Variants in ZNF407 observed in about 807,000 individuals in gnomAD.
ZNF407 encodes the protein zinc finger protein 407.
In ZNF407, 17 loss-of-function variants were observed where a neutral mutation model predicts 131.2. That is an observed-to-expected ratio of 0.13 (90% CI 0.09 to 0.19). The LOEUF (loss-of-function observed/expected upper bound fraction) is 0.19, where lower values mean the gene tolerates loss of function less well. Among genes scored for constraint, ZNF407 ranks in the 10% least tolerant of loss-of-function variants. ZNF407 has a pLI of 1.00. For synonymous variants in ZNF407, 1,156 were observed against 1,062.0 expected, an observed-to-expected ratio of 1.09 and a Z score of -1.72; for missense variants, 2,681 against 2,830.6, an observed-to-expected ratio of 0.95 and a Z score of 1.20.
intron 3 of ZNF407, among the ~76,000 whole-genome samples, chr18:74,646,359 T>A (rs1246322928): frequency 6.6e-6 from 1 of 152,220 alleles, no homozygotes; most frequent in Non-Finnish European, 1.5e-5. Context: ...TATTCTATAA[T>A]GTGGCATGAA....
chr18:74,844,002 A>G (rs564013941), intron 4 of ZNF407, among the ~76,000 whole-genome samples: 5 of 152,308 alleles, frequency 3.3e-5, no homozygotes, highest in Admixed American at 6.5e-5. Context: ...AAAAATATAG[A>G]TGAAAGTGTT....
chr18:74,978,439 A>G (rs1972552213), intron 8 of ZNF407, among the ~76,000 whole-genome samples: 1 of 152,170 alleles, frequency 6.6e-6, no homozygotes, highest in South Asian at 2.1e-4. Flanking sequence ...AGATTCAGAA[A>G]GACAAAGATG....
intron 2 of ZNF407, among the ~76,000 whole-genome samples, chr18:74,640,594 T>G (rs1325460151): frequency 6.6e-6 from 1 of 152,168 alleles, no homozygotes; most frequent in East Asian, 1.9e-4. Flanking sequence ...AGAAATGTAT[T>G]TGATGATAAA....
At chr18:74,647,348 G>C (rs2144701420) in intron 3 of ZNF407, among the ~76,000 whole-genome samples, 1 of 152,260 alleles carries the variant, frequency 6.6e-6, no homozygotes, top group African/African-American at 2.4e-5. Flanking sequence ...AGGGGCTGCA[G>C]AGGGAAGCTC....
At chr18:75,012,936 A>G (rs1438451044) in intron 8 of ZNF407, among the ~76,000 whole-genome samples, 1 of 125,740 alleles carries the variant, frequency 8.0e-6, no homozygotes, top group Non-Finnish European at 1.7e-5. Context: ...CTAATGATAG[A>G]AAGGGTCCTT....
chr18:75,034,417 CCTCAGCCTCCCGT>C (rs1973282424), intron 8 of ZNF407, among the ~76,000 whole-genome samples: 1 of 151,014 alleles, frequency 6.6e-6, no homozygotes, highest in Non-Finnish European at 1.5e-5. Flanking sequence ...CATTCTCCTG[CCTCAGCCTCCCGT>C]GTAGCTGGGA....
chr18:74,785,943 G>A (rs1299250496), intron 4 of ZNF407, among the ~76,000 whole-genome samples: 1 of 152,166 alleles, frequency 6.6e-6, no homozygotes, highest in African/African-American at 2.4e-5. Flanking sequence ...CACTCACATG[G>A]CACACATGAT....
chr18:74,627,841 A>ACCCCG (rs1158859005), intron 1 of ZNF407, among the ~76,000 whole-genome samples: 1,515 of 50,374 alleles, frequency 0.03, 21 homozygotes, highest in East Asian at 0.26. Flanking sequence ...GCCCCGCCCC[A>ACCCCG]CCCCGCCCCG....
chr18:74,987,301 A>G (rs1170397604), intron 8 of ZNF407, among the ~76,000 whole-genome samples: 1 of 152,174 alleles, frequency 6.6e-6, no homozygotes, highest in African/African-American at 2.4e-5. Flanking sequence ...CCTTTGATAG[A>G]CGATAACATC....
intron 3 of ZNF407, among the ~76,000 whole-genome samples, chr18:74,752,171 T>G (rs1968820978): frequency 6.6e-6 from 1 of 152,080 alleles, no homozygotes; most frequent in East Asian, 1.9e-4. Context: ...TAAATGTCTT[T>G]TTTTGAGACG....
At chr18:74,814,476 A>G (rs1268352392) in intron 4 of ZNF407, among the ~76,000 whole-genome samples, 1 of 152,132 alleles carries the variant, frequency 6.6e-6, no homozygotes, top group Non-Finnish European at 1.5e-5. Flanking sequence ...AAATGATCCT[A>G]ATGTATGTTT....
At chr18:74,647,759 A>G (rs1985038702) in intron 3 of ZNF407, among the ~76,000 whole-genome samples, 1 of 152,114 alleles carries the variant, frequency 6.6e-6, no homozygotes. Flanking sequence ...GTGTGTGGGC[A>G]TGGTGACAAG....
At position 74,635,631 on chromosome 18, in the gene ZNF407, G is replaced by C. The variant is rs777469567; in HGVS notation, c.4612G>C (p.Val1538Leu). 1 of 1,613,284 alleles carries C rather than the reference G, an allele frequency of 6.2e-7. No homozygotes were observed. ...CGAGAGGGAGGAAAACCAGGGAAACGTCTGCAAGTATTGTGGGAAGATGTG... is the reference window on the plus strand; with the variant it reads ...CGAGAGGGAGGAAAACCAGGGAAACCTCTGCAAGTATTGTGGGAAGATGTG... ...NREREENQGN[V>L]CKYCGKMCRS... is the part of the protein sequence containing the mutation. Residue 1538 changes from valine to leucine, a missense_variant, in exon 2 of 9, where the codon GTC (valine) becomes CTC (leucine). Physicochemically the swap from Val to Leu is conservative, Grantham distance 32 (BLOSUM62 1). Transcript: ENST00000299687. The surrounding 1 kb of genome is among the most constrained non-coding windows in gnomAD (Gnocchi z 4.7).
At chr18:74,997,517 CTAAA>C (rs911084031) in intron 8 of ZNF407, among the ~76,000 whole-genome samples, 3 of 152,156 alleles carry the variant, frequency 2.0e-5, no homozygotes, top group African/African-American at 7.2e-5. Flanking sequence ...AATAAAAAGA[CTAAA>C]TGTGCATGTT....
intron 1 of ZNF407, among the ~76,000 whole-genome samples, chr18:74,605,363 A>G (rs1251979938): frequency 2.0e-5 from 3 of 152,136 alleles, no homozygotes; most frequent in Admixed American, 6.5e-5. Flanking sequence ...TAACTTCACT[A>G]TGAAATGCGT....
intron 3 of ZNF407, among the ~76,000 whole-genome samples, chr18:74,642,769 G>C (rs899376176): frequency 6.6e-6 from 1 of 152,032 alleles, no homozygotes; most frequent in Non-Finnish European, 1.5e-5. Context: ...TACATATATC[G>C]AGTTTTATAC....
At chr18:75,026,381 G>T (rs939338385) in intron 8 of ZNF407, among the ~76,000 whole-genome samples, 1 of 152,086 alleles carries the variant, frequency 6.6e-6, no homozygotes, top group Non-Finnish European at 1.5e-5. Context: ...CCAGATTTTT[G>T]AATTTCTTAT....
At chr18:74,980,160 G>A (rs562255928) in intron 8 of ZNF407, among the ~76,000 whole-genome samples, 6 of 151,732 alleles carry the variant, frequency 4.0e-5, no homozygotes, top group Admixed American at 6.5e-5. Context: ...AAAATTATCC[G>A]AAATGCTACA....
intron 3 of ZNF407, among the ~76,000 whole-genome samples, chr18:74,765,104 C>G (rs9954290): frequency 0.62 from 94,548 of 151,990 alleles, 31,213 homozygotes; most frequent in East Asian, 0.82. Flanking sequence ...ATGTAAGGGA[C>G]TTGAGCATGG....
Sources: allele counts gnomAD v4.1 joint callset (sites outside exome capture counted in the v4.1 genomes callset), GRCh38; gene constraint gnomAD v4.1.1; non-coding constraint Gnocchi (gnomAD v3.1); transcripts MANE v1.5; gene names NCBI Gene and HGNC (gene_info 2026-07-23, HGNC 2026-07-21).